Variants in ABTB2 observed in about 807,000 individuals in gnomAD.
The protein encoded by ABTB2 is ankyrin repeat and BTB/POZ domain-containing protein 2.
A neutral mutation model predicts 104.1 loss-of-function variants in ABTB2; 56 were observed. The ratio of observed to expected loss-of-function variants is 0.54; its 90% confidence interval spans 0.43 to 0.67. The LOEUF (loss-of-function observed/expected upper bound fraction) is 0.67, where lower values mean the gene tolerates loss of function less well. Among genes scored for constraint, ABTB2 ranks in the 30% least tolerant of loss-of-function variants. ABTB2 has a pLI of 0.00. For synonymous variants in ABTB2, 606 were observed against 608.2 expected, an observed-to-expected ratio of 1.00 and a Z score of 0.05; for missense variants, 1,279 against 1,407.7, an observed-to-expected ratio of 0.91 and a Z score of 1.46.
intron 1 of ABTB2, among the ~76,000 whole-genome samples, chr11:34,301,517 A>T (rs1042788041): frequency 6.6e-6 from 1 of 152,234 alleles, no homozygotes; most frequent in Non-Finnish European, 1.5e-5. Context: ...CAAAGCATGA[A>T]GGCCTAGCCT....
At position 34,195,078 on chromosome 11, in the gene ABTB2, G is replaced by A. The variant is rs28433394; in HGVS notation, c.1244+2247C>T. 7.0e-5 allele frequency among the ~76,000 whole-genome samples: 7 copies of A among 99,612 alleles called. 3 individuals are homozygous for A. Among genetic ancestry groups the A allele is most frequent in the East Asian group, 6.3e-4 (2 of 3,168 alleles). The allele number at this position is 99,612 out of a possible 152,430, so 65.3% of individuals were successfully genotyped here. ...AGGACATGACAAAGATGCCCGGCGG[G>A]GGGGGGGAGTGGGGGCGGGAGAAAG... On this transcript the variant is annotated intron_variant, in intron 3 of 16. Coordinates refer to ENST00000435224, the MANE Select transcript of ABTB2 (RefSeq NM_145804.3).
chr11:34,311,268 C>T (rs1376228961), intron 1 of ABTB2, among the ~76,000 whole-genome samples: 1 of 152,246 alleles, frequency 6.6e-6, no homozygotes, highest in East Asian at 1.9e-4. Flanking sequence ...GAACTTAACA[C>T]TTCCATGCTG....
rs749001766 is a variant in ABTB2, at chr11:34,197,429, G to A, written c.1140C>T (p.Ser380=). The change falls in exon 3 of 17, where the codon TCC becomes TCT. Residue 380 remains serine (S), a synonymous_variant. Coordinates refer to ENST00000435224, the MANE Select transcript of ABTB2 (RefSeq NM_145804.3). ...AGTAGAGCGTGTGGAGGGCGTCGGG[G>A]GACCAAGTGATGGGCTGTGGCGGCT... is the stretch of plus-strand genomic sequence containing the variant. ...ARQPPQPITW[S]PDALHTLYYF... is the part of the protein sequence containing the mutation. The A allele has an allele frequency of 1.2e-6, 2 of 1,607,190 alleles. No homozygotes were observed. Among genetic ancestry groups the A allele is most frequent in the Admixed American group, 1.7e-5 (1 of 59,496 alleles).
chr11:34,336,198 TA>T (rs1267810362), intron 1 of ABTB2, among the ~76,000 whole-genome samples: 1 of 152,242 alleles, frequency 6.6e-6, no homozygotes, highest in African/African-American at 2.4e-5. Context: ...CTTATTCAAC[TA>T]ATTTTTCCTC....
chr11:34,283,656 A>G (rs149771476), intron 1 of ABTB2, among the ~76,000 whole-genome samples: 1 of 152,256 alleles, frequency 6.6e-6, no homozygotes, highest in Admixed American at 6.5e-5. Flanking sequence ...ATGGGTCAGG[A>G]CAGAATATTA....
chr11:34,192,018 C>T (rs960215928), intron 3 of ABTB2, among the ~76,000 whole-genome samples: 4 of 152,206 alleles, frequency 2.6e-5, no homozygotes, highest in Admixed American at 6.5e-5. Context: ...TGAGCAGGTG[C>T]AGTGGCTCAT....
At chr11:34,351,103 T>G (rs931044319) in intron 1 of ABTB2, among the ~76,000 whole-genome samples, 2 of 152,154 alleles carry the variant, frequency 1.3e-5, no homozygotes, top group Non-Finnish European at 2.9e-5. Context: ...TGAGGTGGGA[T>G]AAGGACAAAG....
intron 1 of ABTB2, among the ~76,000 whole-genome samples, chr11:34,284,930 G>A (rs966630069): frequency 1.3e-5 from 2 of 152,152 alleles, no homozygotes; most frequent in Non-Finnish European, 2.9e-5. Flanking sequence ...CAGACTGGCC[G>A]TCCTCAGCCC....
intron 1 of ABTB2, among the ~76,000 whole-genome samples, chr11:34,232,160 G>A (rs1326048909): frequency 6.6e-6 from 1 of 152,122 alleles, no homozygotes; most frequent in Non-Finnish European, 1.5e-5. Flanking sequence ...ATCTAAAATT[G>A]TTCTTATGCT....
At chr11:34,273,924 G>A (rs796638279) in intron 1 of ABTB2, among the ~76,000 whole-genome samples, 68 of 151,348 alleles carry the variant, frequency 4.5e-4, no homozygotes, top group African/African-American at 1.6e-3. Context: ...AGGCCGAGGC[G>A]GGTGGATCAT....
chr11:34,309,110 T>C (rs1200933091), intron 1 of ABTB2, among the ~76,000 whole-genome samples: 1 of 152,202 alleles, frequency 6.6e-6, no homozygotes, highest in African/African-American at 2.4e-5. Context: ...TCAGGCAGCC[T>C]CTACTTATAC....
At chr11:34,321,177 C>T (rs1378971975) in intron 1 of ABTB2, among the ~76,000 whole-genome samples, 1 of 152,088 alleles carries the variant, frequency 6.6e-6, no homozygotes, top group Non-Finnish European at 1.5e-5. Flanking sequence ...AGCAAAACTC[C>T]ATCTCAAAAA....
At chr11:34,253,214 A>G (rs1479704747) in intron 1 of ABTB2, among the ~76,000 whole-genome samples, 1 of 152,112 alleles carries the variant, frequency 6.6e-6, no homozygotes, top group Non-Finnish European at 1.5e-5. Context: ...ACAGGCCCAG[A>G]GGCCTCACCT....
chr11:34,161,751 T>C (rs902872713), intron 10 of ABTB2, among the ~76,000 whole-genome samples: 1 of 152,266 alleles, frequency 6.6e-6, no homozygotes, highest in East Asian at 1.9e-4. Flanking sequence ...CCCTGGTAAT[T>C]AGAGAGACAG....
chr11:34,186,372 G>A (rs561135926), intron 3 of ABTB2, among the ~76,000 whole-genome samples: 2 of 152,312 alleles, frequency 1.3e-5, no homozygotes, highest in South Asian at 4.1e-4. Flanking sequence ...GAACCAGCTC[G>A]GCTTGGCTCC....
At chr11:34,322,468 G>A (rs1262330426) in intron 1 of ABTB2, among the ~76,000 whole-genome samples, 1 of 152,072 alleles carries the variant, frequency 6.6e-6, no homozygotes, top group Non-Finnish European at 1.5e-5. Context: ...CCAGCTACTA[G>A]GAAGGCTGAG....
chr11:34,196,501 C>T (rs1191627226), intron 3 of ABTB2, among the ~76,000 whole-genome samples: 1 of 152,168 alleles, frequency 6.6e-6, no homozygotes, highest in Non-Finnish European at 1.5e-5. Context: ...TTGCAGTGAG[C>T]CAAGATTGTG....
At chr11:34,160,687 GTGT>G (rs1477548710) in intron 11 of ABTB2, among the ~76,000 whole-genome samples, 5 of 30,486 alleles carry the variant, frequency 1.6e-4, no homozygotes, top group Non-Finnish European at 3.8e-4. Context: ...GTGTATGTGT[GTGT>G]TGAGTGGGGG....
chr11:34,155,033 C>T (rs1407200092), intron 14 of ABTB2, among the ~76,000 whole-genome samples: 1 of 152,218 alleles, frequency 6.6e-6, no homozygotes, highest in African/African-American at 2.4e-5. Flanking sequence ...CTCATGAGAA[C>T]ACGGTGAGCC....
Sources: gnomAD v4.1 joint callset for allele counts (sites outside exome capture counted in the v4.1 genomes callset) on GRCh38, gnomAD v4.1.1 for gene constraint, MANE v1.5 for transcripts, NCBI Gene and HGNC (gene_info 2026-07-23, HGNC 2026-07-21) for gene names.